Variants in MPDZ observed in about 807,000 individuals in gnomAD.
MPDZ encodes multiple PDZ domain crumbs cell polarity complex component, also known as multiple PDZ domain protein.
Under a neutral mutation model 239.1 loss-of-function variants are expected in MPDZ, and 234 were observed. That is an observed-to-expected ratio of 0.98 (90% CI 0.88 to 1.09). The LOEUF (loss-of-function observed/expected upper bound fraction) is 1.09, where lower values mean the gene tolerates loss of function less well. Ranked by LOEUF, MPDZ falls within the 50% of genes least tolerant of loss-of-function variation. The pLI, the probability that MPDZ is intolerant of heterozygous loss-of-function variation, is 0.00. For synonymous variants in MPDZ, 1,048 were observed against 881.3 expected, an observed-to-expected ratio of 1.19 and a Z score of -3.35; for missense variants, 3,175 against 2,510.0, an observed-to-expected ratio of 1.26 and a Z score of -5.66.
At chr9:13,209,682 T>G (rs542172270) in intron 10 of MPDZ, among the ~76,000 whole-genome samples, 2 of 152,244 alleles carry the variant, frequency 1.3e-5, no homozygotes, top group Non-Finnish European at 2.9e-5. Context: ...TTCCTGAAAC[T>G]TACTATCAAA....
At chr9:13,200,744 T>A (rs978189750) in intron 12 of MPDZ, among the ~76,000 whole-genome samples, 1 of 152,136 alleles carries the variant, frequency 6.6e-6, no homozygotes. Context: ...GTTATTGATA[T>A]CTAGTTTTAT....
At chr9:13,261,261 T>G (rs369135765) in intron 1 of MPDZ, among the ~76,000 whole-genome samples, 114 of 152,318 alleles carry the variant, frequency 7.5e-4, no homozygotes, top group African/African-American at 2.7e-3. Flanking sequence ...AGGCATTCCT[T>G]GGGAGATGCA....
Position 13,217,272 on chromosome 9 carries a change from C to G in MPDZ, c.1109G>C (p.Gly370Ala). 1 of 1,597,680 alleles carries G rather than the reference C, an allele frequency of 6.3e-7. No homozygotes were observed. The highest frequency in any genetic ancestry group is 8.5e-7 in the Non-Finnish European group (1 of 1,170,714). The change falls in exon 9 of 47, where the codon GGT becomes GCT. Residue 370 changes from glycine to alanine, a missense_variant. Transcript: ENST00000319217. ...TACATCAAATGTCTCACTTTCTTCA[C>G]CTTTCTGAGTAGAAGCATCAACCTA... is the stretch of plus-strand genomic sequence containing the variant. ...ELRVDASTQKGEESETFDVEL... is the reference protein window; with the variant it reads ...ELRVDASTQKAEESETFDVEL...
intron 27 of MPDZ, among the ~76,000 whole-genome samples, chr9:13,141,955 A>G (rs1947758199): frequency 6.6e-6 from 1 of 152,172 alleles, no homozygotes; most frequent in African/African-American, 2.4e-5. Context: ...TTAATAATAT[A>G]CCAATAAAAA....
Position 13,243,006 on chromosome 9 carries a change from T to A in MPDZ, c.183+4629A>T, listed in dbSNP as rs148485351. 5.9e-5 allele frequency among the ~76,000 whole-genome samples: 9 copies of A among 152,310 alleles called. No homozygotes were observed. The East Asian group carries it at 1.2e-3, about 20-fold the overall frequency. On this transcript the variant is annotated intron_variant, in intron 3 of 46. Coordinates refer to ENST00000319217, the MANE Select transcript of MPDZ (RefSeq NM_001378778.1). Reference sequence around the variant, plus strand: ...CCTGTTGTGAACTGCTCTGTATCCCTGTAAACATTGCTCTCTCTACCTGAA... The same window carrying A: ...CCTGTTGTGAACTGCTCTGTATCCCAGTAAACATTGCTCTCTCTACCTGAA...
intron 35 of MPDZ, among the ~76,000 whole-genome samples, chr9:13,124,120 T>C (rs1944773475): frequency 6.6e-6 from 1 of 152,224 alleles, no homozygotes; most frequent in Non-Finnish European, 1.5e-5. Flanking sequence ...TGTTCTCTTT[T>C]TAGGAAATCA....
intron 1 of MPDZ, among the ~76,000 whole-genome samples, chr9:13,270,761 T>C (rs541991038): frequency 1.3e-5 from 2 of 152,304 alleles, no homozygotes; most frequent in Non-Finnish European, 2.9e-5. Flanking sequence ...AGAGCTGATC[T>C]AGAATGATGC....
In MPDZ at chr9:13,196,207, T is replaced by C; in HGVS notation, c.1570A>G (p.Ile524Val). Reference protein sequence around the residue: ...EEGYPLLSAEIEEIEDAQKQE... With the variant: ...EEGYPLLSAEVEEIEDAQKQE... Reference sequence around the variant, plus strand: ...TTTTGTGCATCTTCTATTTCTTCTATCTCAGCTGACAGTAATGGATACCCT... The same window carrying C: ...TTTTGTGCATCTTCTATTTCTTCTACCTCAGCTGACAGTAATGGATACCCT... Residue 524 changes from isoleucine to valine, a missense_variant, in exon 13 of 47, where the codon ATA (isoleucine) becomes GTA (valine). Ile to Val is a conservative substitution (Grantham distance 29). Coordinates refer to ENST00000319217, the MANE Select transcript of MPDZ (RefSeq NM_001378778.1). 1.3e-6 allele frequency: 2 copies of C among 1,594,382 alleles called. No homozygotes were observed. The highest frequency in any genetic ancestry group is 1.7e-6 in the Non-Finnish European group (2 of 1,168,884).
intron 12 of MPDZ, 108 bp downstream of exon 12, chr9:13,204,928 T>A: frequency 1.5e-6 from 1 of 682,136 alleles, no homozygotes; most frequent in Non-Finnish European, 2.2e-6. Flanking sequence ...TTTGAAATTT[T>A]TTTTAGTAAC....
At chr9:13,260,000 A>AT (rs113820106) in intron 1 of MPDZ, among the ~76,000 whole-genome samples, 2,584 of 144,116 alleles carry the variant, frequency 0.018, 57 homozygotes, top group African/African-American at 0.051. Flanking sequence ...CGCCCGGCTA[A>AT]TTTTTTTTTT....
At chr9:13,260,267 G>C (rs1437516650) in intron 1 of MPDZ, among the ~76,000 whole-genome samples, 1 of 152,034 alleles carries the variant, frequency 6.6e-6, no homozygotes, top group Non-Finnish European at 1.5e-5. Context: ...CCAGGTAAGA[G>C]GCATTTTCAA....
At chr9:13,122,051 T>C (rs1375931807) in intron 37 of MPDZ, 36 bp downstream of exon 37, 1 of 1,610,534 alleles carries the variant, frequency 6.2e-7, no homozygotes, top group African/African-American at 1.3e-5. Context: ...GCCTTTTCTC[T>C]GTTAATTTTG....
At chr9:13,205,348 G>A (rs531255351) in intron 11 of MPDZ, among the ~76,000 whole-genome samples, 1 of 152,046 alleles carries the variant, frequency 6.6e-6, no homozygotes, top group Non-Finnish European at 1.5e-5. Context: ...ATATCAGAAT[G>A]GTCAACAATT....
chr9:13,197,042 CT>C (rs1323179637), intron 12 of MPDZ, among the ~76,000 whole-genome samples: 1 of 151,726 alleles, frequency 6.6e-6, no homozygotes, highest in Non-Finnish European at 1.5e-5. Context: ...TATTAGTTGC[CT>C]CCTCTTTTAG....
chr9:13,120,633 AT>A (rs1226796624), intron 38 of MPDZ: 1 of 152,228 alleles, frequency 6.6e-6, no homozygotes, highest in Non-Finnish European at 1.5e-5. Context: ...GTGTTTAAAA[AT>A]AATTAGCCTT....
chr9:13,152,091 C>T (rs925067097), intron 24 of MPDZ, among the ~76,000 whole-genome samples: 1 of 152,056 alleles, frequency 6.6e-6, no homozygotes, highest in African/African-American at 2.4e-5. Context: ...TACTGCTAAA[C>T]AGATAGCAGC....
intron 21 of MPDZ, among the ~76,000 whole-genome samples, chr9:13,172,226 C>T (rs955912394): frequency 2.0e-5 from 3 of 152,048 alleles, no homozygotes; most frequent in Non-Finnish European, 4.4e-5. Flanking sequence ...GAAATCAAAA[C>T]GCCAGGGAGA....
intron 1 of MPDZ, among the ~76,000 whole-genome samples, chr9:13,251,574 T>C (rs562515905): frequency 6.6e-6 from 1 of 152,308 alleles, no homozygotes; most frequent in South Asian, 2.1e-4. Flanking sequence ...AGAAAAGAAA[T>C]CTACCACCAC....
chr9:13,123,870 C>A (rs1426233757), intron 35 of MPDZ, among the ~76,000 whole-genome samples: 2 of 152,152 alleles, frequency 1.3e-5, no homozygotes, highest in African/African-American at 2.4e-5. Context: ...GCACCATTTG[C>A]AGTTTTCTCC....
Sources: allele counts gnomAD v4.1 joint callset (sites outside exome capture counted in the v4.1 genomes callset), GRCh38; gene constraint gnomAD v4.1.1; transcripts MANE v1.5; gene names NCBI Gene and HGNC (gene_info 2026-07-23, HGNC 2026-07-21).